The following GPHN variants were observed in gnomAD, a reference collection of about 807,000 sequenced individuals.
GPHN encodes the protein gephyrin.
Under a neutral mutation model 95.5 loss-of-function variants are expected in GPHN, and 17 were observed. The observed-to-expected ratio is 0.18, with a 90% CI of 0.12 to 0.27. GPHN has a LOEUF of 0.27. GPHN is among the 10% of genes least tolerant of loss of function. The pLI is 1.00. For synonymous variants in GPHN, 320 were observed against 322.5 expected (o/e 0.99, Z 0.08); for missense variants, 660 against 978.1 (o/e 0.67, Z 4.34).
the GPHN span, among the ~76,000 whole-genome samples, chr14:67,596,820 C>T: frequency 3.3e-5 from 5 of 152,234 alleles, no homozygotes; most frequent in African/African-American, 9.6e-5. Context: ...CTGACTCCCA[C>T]CTTGCTCCTT....
the GPHN span, chr14:67,584,120 C>T: frequency 6.2e-7 from 1 of 1,613,180 alleles, no homozygotes; most frequent in Admixed American, 1.7e-5. Context: ...CTTTTTGCTG[C>T]TCAGGTAAGT....
intron 4 of GPHN, among the ~76,000 whole-genome samples, chr14:66,825,720 A>G (rs1395014563): frequency 1.3e-5 from 2 of 152,204 alleles, no homozygotes; most frequent in East Asian, 3.8e-4. Context: ...TGATATTATT[A>G]TAATTAGGGT....
At chr14:67,288,482 A>G in the GPHN span, among the ~76,000 whole-genome samples, 1 of 152,198 alleles carries the variant, frequency 6.6e-6, no homozygotes, top group Non-Finnish European at 1.5e-5. Flanking sequence ...TCTTGACGCC[A>G]GGAGTTATAG....
intron 4 of GPHN, among the ~76,000 whole-genome samples, chr14:66,864,361 G>A (rs1267052747): frequency 2.0e-5 from 3 of 152,146 alleles, no homozygotes; most frequent in Admixed American, 2.0e-4. Flanking sequence ...GTACACCATT[G>A]GTAGGAATGT....
chr14:66,841,227 G>T (rs899139339), intron 4 of GPHN, among the ~76,000 whole-genome samples: 3 of 152,022 alleles, frequency 2.0e-5, no homozygotes, highest in Admixed American at 1.3e-4. Context: ...AGGGAGGGAG[G>T]ATAGGTAGCC....
At chr14:66,760,986 C>T in intron 2 of GPHN, 1 of 610,954 alleles carries the variant, frequency 1.6e-6, no homozygotes. Flanking sequence ...ATAGCAGTTA[C>T]CAGAGGATGT....
At chr14:67,473,280 T>G in the GPHN span, 1 of 1,209,288 alleles carries the variant, frequency 8.3e-7, no homozygotes, top group Non-Finnish European at 1.2e-6. The surrounding 1 kb of genome is among the most constrained non-coding windows in gnomAD (Gnocchi z 6.5). Flanking sequence ...CCGCGGACGT[T>G]AGGGGGCTCT....
rs927592266 is a variant in GPHN at position 66,745,394 on chromosome 14, C to T, written c.144-31070C>T. ...CCCTAAAATTAAGGACATTGTTCAC[C>T]GTACTCTTATCATATGCTGGAAATG... is the stretch of plus-strand genomic sequence containing the variant. On this transcript the variant is annotated intron_variant, in intron 2 of 22. Coordinates refer to ENST00000478722, the MANE Select transcript of GPHN (RefSeq NM_020806.5). Among the ~76,000 whole-genome samples, 11 of 151,934 alleles carry T rather than the reference C, an allele frequency of 7.2e-5. 1 individual carries two copies. Among genetic ancestry groups the T allele is most frequent in the African/African-American group, 1.4e-4 (6 of 41,404 alleles).
the GPHN span, among the ~76,000 whole-genome samples, chr14:67,600,685 T>G: frequency 1.3e-5 from 2 of 152,104 alleles, no homozygotes; most frequent in Admixed American, 1.3e-4. Flanking sequence ...GTTCAAGCGA[T>G]TCTCCTGCCT....
chr14:66,508,275 G>C lies in GPHN; in HGVS notation c.-253G>C. 1.7e-6 allele frequency: 1 copy of C among 578,602 alleles called. No individual in the cohort carries two copies. Among genetic ancestry groups the C allele is most frequent in the Non-Finnish European group, 3.1e-6 (1 of 324,036 alleles). 35.8% of individuals were successfully genotyped at this position (578,602 alleles called of 1,614,324 possible). A position where few individuals can be genotyped will look rare whatever the true frequency, so the allele number is the denominator to read the frequency against. On this transcript the variant is annotated 5_prime_UTR_variant, in exon 1 of 23. Transcript: ENST00000478722. ...TGCGGCCACCGCGCCCCCCAAGCTT[G>C]CCTCCTTCTTGCCGGACTTGGGGCC...
the GPHN span, chr14:67,473,783 C>T: frequency 6.2e-7 from 1 of 1,613,994 alleles, no homozygotes; most frequent in Non-Finnish European, 8.5e-7. The surrounding 1 kb of genome is among the most constrained non-coding windows in gnomAD (Gnocchi z 6.5). Flanking sequence ...AGAGGGCCCA[C>T]ACGCTCGTGA....
At chr14:67,721,277 C>T in the GPHN span, among the ~76,000 whole-genome samples, 1 of 152,138 alleles carries the variant, frequency 6.6e-6, no homozygotes. Context: ...GGCAATGAAT[C>T]CCACTTACCC....
the GPHN span, among the ~76,000 whole-genome samples, chr14:67,311,382 T>G: frequency 6.6e-6 from 1 of 151,890 alleles, no homozygotes; most frequent in East Asian, 1.9e-4. Context: ...TCTTAGACTG[T>G]TTGTCTTTTG....
the GPHN span, among the ~76,000 whole-genome samples, chr14:67,529,197 G>A: frequency 0.018 from 2,721 of 152,004 alleles, 90 homozygotes; most frequent in African/African-American, 0.063. Context: ...ATTTACAAAC[G>A]AGGAACACCT....
At chr14:66,909,319 A>T (rs952704533) in intron 5 of GPHN, among the ~76,000 whole-genome samples, 12 of 152,108 alleles carry the variant, frequency 7.9e-5, no homozygotes, top group Admixed American at 2.0e-4. Context: ...TTCTCAATTC[A>T]TGTTATGAGT....
At chr14:67,463,692 G>C in the GPHN span, among the ~76,000 whole-genome samples, 1 of 148,994 alleles carries the variant, frequency 6.7e-6, no homozygotes, top group Non-Finnish European at 1.5e-5. Flanking sequence ...AGCATCTAAT[G>C]CTGGCTGCTC....
intron 1 of GPHN, among the ~76,000 whole-genome samples, chr14:66,578,672 A>AAG (rs2061010259): frequency 6.7e-6 from 1 of 150,308 alleles, no homozygotes; most frequent in African/African-American, 2.4e-5. Context: ...AAAAAAAAAA[A>AAG]AGCAAACAAA....
chr14:66,928,722 T>C (rs2066619331), intron 8 of GPHN, among the ~76,000 whole-genome samples: 1 of 152,216 alleles, frequency 6.6e-6, no homozygotes, highest in Non-Finnish European at 1.5e-5. Context: ...TGTGTTTCCA[T>C]ATTCATTTGC....
At chr14:67,339,813 C>T in the GPHN span, among the ~76,000 whole-genome samples, 5 of 151,936 alleles carry the variant, frequency 3.3e-5, no homozygotes, top group Admixed American at 1.3e-4. Flanking sequence ...AAAGAATAAT[C>T]AAGGGCCAGG....
Sources: allele counts gnomAD v4.1 joint callset (sites outside exome capture counted in the v4.1 genomes callset), GRCh38; gene constraint gnomAD v4.1.1; non-coding constraint Gnocchi (gnomAD v3.1); transcripts MANE v1.5; gene names NCBI Gene and HGNC (gene_info 2026-07-23, HGNC 2026-07-21).